BBOX1: variants seen among roughly 807,000 people sequenced by gnomAD.
BBOX1 encodes the protein gamma-butyrobetaine dioxygenase.
In BBOX1, 35 loss-of-function variants were observed where a neutral mutation model predicts 41.6. The ratio of observed to expected loss-of-function variants is 0.84; its 90% confidence interval spans 0.64 to 1.11. The LOEUF (loss-of-function observed/expected upper bound fraction) is 1.11. BBOX1 is among the 50% of genes most tolerant of loss of function. BBOX1 has a pLI of 0.00. For missense variants in BBOX1, 458 were observed against 460.6 expected, an observed-to-expected ratio of 0.99 and a Z score of 0.05; for synonymous variants, 163 against 154.7, an observed-to-expected ratio of 1.05 and a Z score of -0.40.
intron 6 of BBOX1, among the ~76,000 whole-genome samples, chr11:27,118,744 A>G (rs1019688038): frequency 1.3e-5 from 2 of 152,028 alleles, no homozygotes; most frequent in East Asian, 1.9e-4. Context: ...ACTGTACAAA[A>G]GAAAGTATCA....
chr11:27,071,687 C>T (rs1857456373), intron 4 of BBOX1, among the ~76,000 whole-genome samples: 1 of 152,064 alleles, frequency 6.6e-6, no homozygotes, highest in African/African-American at 2.4e-5. Context: ...TACTGGCAAA[C>T]CAAATCCAGC....
At position 27,040,880 on chromosome 11, in the gene BBOX1, C is replaced by A. The variant is rs1466833152; in HGVS notation, c.-450C>A. ...TCTGCTAGGGTGAGCGCTGGTAGCT[C>A]CTCCCTGTTAAATGCCCATCTCAAT... On this transcript the variant is annotated 5_prime_UTR_variant, in exon 1 of 9. Coordinates refer to ENST00000263182, the MANE Select transcript of BBOX1 (RefSeq NM_003986.3). 1 of 152,228 alleles carries A rather than the reference C, an allele frequency of 6.6e-6. No homozygotes were observed. Among genetic ancestry groups the A allele is most frequent in the Non-Finnish European group, 1.5e-5 (1 of 68,078 alleles). 9.4% of individuals were successfully genotyped at this position (152,228 alleles called of 1,614,324 possible). A position where few individuals can be genotyped will look rare whatever the true frequency, so the allele number is the denominator to read the frequency against.
At chr11:27,080,029 G>A (rs1185237557) in intron 4 of BBOX1, among the ~76,000 whole-genome samples, 2 of 151,954 alleles carry the variant, frequency 1.3e-5, no homozygotes, top group East Asian at 3.9e-4. Context: ...TTCCCATCCT[G>A]CTCTTTCTTT....
At chr11:27,097,534 T>A (rs1370911865) in intron 5 of BBOX1, among the ~76,000 whole-genome samples, 2 of 152,054 alleles carry the variant, frequency 1.3e-5, no homozygotes, top group African/African-American at 4.8e-5. Flanking sequence ...GGGTTTCTAC[T>A]TTATGAAAAA....
In BBOX1 at chr11:27,127,359, A is replaced by G. The variant is rs1246901107; in HGVS notation, c.1070A>G (p.Glu357Gly). 6.2e-7 allele frequency: 1 copy of G among 1,614,064 alleles called. No individual in the cohort carries two copies. The highest frequency in any genetic ancestry group is 8.5e-7 in the Non-Finnish European group (1 of 1,180,026). Residue 357 changes from glutamate to glycine, a missense_variant, in exon 9 of 9, where the codon GAG becomes GGG. Glu to Gly is a moderately conservative substitution (Grantham distance 98). Transcript: ENST00000263182. ...HGRRSYEAGT[E>G]ISRHLEGAYA... ...CGACGTAGCTATGAAGCAGGAACTG[A>G]GATATCCCGCCATCTAGAAGGAGCT... is the stretch of plus-strand genomic sequence containing the variant.
chr11:27,093,207 T>G lies in BBOX1; in HGVS notation c.374T>G (p.Leu125Trp), dbSNP rs755973506. 5.0e-6 allele frequency: 8 copies of G among 1,612,260 alleles called. No individual in the cohort carries two copies. The highest frequency in any genetic ancestry group is 6.8e-6 in the Non-Finnish European group (8 of 1,178,928). The change falls in exon 5 of 9, where the codon TTG becomes TGG. Residue 125 changes from leucine (L) to tryptophan (W), a missense_variant. Physicochemically the swap from Leu to Trp is moderately conservative, Grantham distance 61. Coordinates refer to ENST00000263182, the MANE Select transcript of BBOX1 (RefSeq NM_003986.3). ...GGCTCAGAGCTCCAGCTACCCACTT[T>G]GGATTTTGAAGATGTTTTAAGATAT... is the stretch of plus-strand genomic sequence containing the variant. ...YWGSELQLPT[L>W]DFEDVLRYDE... is the part of the protein sequence containing the mutation.
At chr11:27,119,321 T>C (rs1040271844) in intron 6 of BBOX1, among the ~76,000 whole-genome samples, 27 of 151,998 alleles carry the variant, frequency 1.8e-4, no homozygotes, top group African/African-American at 6.3e-4. Flanking sequence ...AAGTGCTCCA[T>C]CTATGCAGCT....
At chr11:27,078,151 C>CA (rs1368281494) in intron 4 of BBOX1, among the ~76,000 whole-genome samples, 1 of 152,040 alleles carries the variant, frequency 6.6e-6, no homozygotes, top group East Asian at 1.9e-4. Flanking sequence ...GATTTACTCA[C>CA]ATCCTAATGA....
At chr11:27,053,609 T>C (rs1225536012) in intron 2 of BBOX1, among the ~76,000 whole-genome samples, 22 of 152,182 alleles carry the variant, frequency 1.4e-4, no homozygotes, top group Admixed American at 1.4e-3. Context: ...TCCAGGGTCA[T>C]TGGAGCCATC....
chr11:27,094,325 CAT>C (rs1213427919), intron 5 of BBOX1, among the ~76,000 whole-genome samples: 1 of 151,822 alleles, frequency 6.6e-6, no homozygotes, highest in African/African-American at 2.4e-5. Context: ...TTCTTGGGCT[CAT>C]AGAGTAGAGA....
intron 5 of BBOX1, among the ~76,000 whole-genome samples, chr11:27,093,625 C>A (rs1045972738): frequency 1.3e-5 from 2 of 151,910 alleles, no homozygotes; most frequent in African/African-American, 4.8e-5. Context: ...GCTGCCATAA[C>A]GAAATATCAC....
intron 4 of BBOX1, among the ~76,000 whole-genome samples, chr11:27,075,189 C>T (rs1254650336): frequency 6.6e-6 from 1 of 152,028 alleles, no homozygotes; most frequent in African/African-American, 2.4e-5. Flanking sequence ...TAGTTTATTG[C>T]AGCCTTATTC....
chr11:27,087,936 G>A (rs1192929691), intron 4 of BBOX1, among the ~76,000 whole-genome samples: 1 of 152,008 alleles, frequency 6.6e-6, no homozygotes, highest in Non-Finnish European at 1.5e-5. Flanking sequence ...TTATACTACA[G>A]ACTATGCTGC....
intron 4 of BBOX1, among the ~76,000 whole-genome samples, chr11:27,058,801 A>G (rs1431392833): frequency 1.3e-5 from 2 of 152,366 alleles, no homozygotes; most frequent in South Asian, 2.1e-4. Context: ...GACTGCTTCT[A>G]ACAGCCTATG....
chr11:27,104,037 T>C (rs983087060), intron 5 of BBOX1, among the ~76,000 whole-genome samples: 1 of 152,196 alleles, frequency 6.6e-6, no homozygotes, highest in African/African-American at 2.4e-5. Context: ...ACCTTGTTTT[T>C]TTCTTTGTCT....
intron 3 of BBOX1, 138 bp from the exon 4 acceptor site, chr11:27,057,063 T>TAAAAAAAACAAAAACAAA (rs1459422645): frequency 6.8e-6 from 1 of 146,550 alleles, no homozygotes; most frequent in Non-Finnish European, 1.1e-5. Context: ...AGACTCCGAC[T>TAAAAAAAACAAAAACAAA]TAAAAAAAAA....
At chr11:27,125,527 CT>C in intron 7 of BBOX1, 126 bp from the exon 8 acceptor site, 1 of 772,638 alleles carries the variant, frequency 1.3e-6, no homozygotes, top group Non-Finnish European at 1.9e-6. Flanking sequence ...GCCTTAATAT[CT>C]TCTGTACATG....
intron 7 of BBOX1, among the ~76,000 whole-genome samples, chr11:27,122,638 A>G (rs1333893221): frequency 1.3e-5 from 2 of 152,180 alleles, no homozygotes; most frequent in Non-Finnish European, 2.9e-5. Flanking sequence ...ATAAATTATG[A>G]CATGGTAGAC....
At chr11:27,048,683 C>T (rs569519975) in intron 2 of BBOX1, among the ~76,000 whole-genome samples, 17 of 150,578 alleles carry the variant, frequency 1.1e-4, no homozygotes, top group South Asian at 6.3e-4. Context: ...GCAAATATCT[C>T]ATTGACATAC....
Sources: gnomAD v4.1 joint callset for allele counts (sites outside exome capture counted in the v4.1 genomes callset) on GRCh38, gnomAD v4.1.1 for gene constraint, MANE v1.5 for transcripts, NCBI Gene and HGNC (gene_info 2026-07-23, HGNC 2026-07-21) for gene names.